UBE2G2: variants seen among roughly 807,000 people sequenced by gnomAD.
UBE2G2 encodes the protein ubiquitin conjugating enzyme E2 G2.
In UBE2G2, 10 loss-of-function variants were observed where a neutral mutation model predicts 23.0. That is an observed-to-expected ratio of 0.43 (90% CI 0.27 to 0.74). The LOEUF (loss-of-function observed/expected upper bound fraction) is 0.74. Among genes scored for constraint, UBE2G2 ranks in the 30% least tolerant of loss-of-function variants. The probability of loss-of-function intolerance (pLI) is 0.19; values close to 1 mark genes in which losing one functional copy is unlikely to be tolerated. For missense variants in UBE2G2, 150 were observed against 218.3 expected (o/e 0.69, Z 1.97); for synonymous variants, 86 against 81.3 (o/e 1.06, Z -0.31).
rs1221248326 is a variant in UBE2G2 at position 44,769,623 on chromosome 21, C to G, written c.*1754G>C. 1.3e-5 allele frequency: 2 copies of G among 152,238 alleles called. No homozygotes were observed. Among genetic ancestry groups the G allele is most frequent in the Non-Finnish European group, 2.9e-5 (2 of 68,090 alleles). The allele number at this position is 152,238 out of a possible 1,614,324, so 9.4% of individuals were successfully genotyped here. On this transcript the variant is annotated 3_prime_UTR_variant, in exon 6 of 6. Coordinates refer to ENST00000345496, the MANE Select transcript of UBE2G2 (RefSeq NM_003343.6). ...GCGATCTCCTGACCTCATGATCCGC[C>G]CGCCTCAGTCTCCCAAAGTGCTGGG...
In UBE2G2 at chr21:44,777,370, A is replaced by C. The variant is rs782328921; in HGVS notation, c.173T>G (p.Leu58Arg). Residue 58 changes from leucine to arginine, a missense_variant, in exon 4 of 6, where the codon CTG (leucine) becomes CGG (arginine). Leu to Arg is a moderately radical substitution (Grantham distance 102). Transcript: ENST00000345496. ...TAACGGGTAATCAAGTGGGAAACTC[A>C]GGATGGCAGGAAAAACACCAAACTC... ...CFEFGVFPAI[L>R]SFPLDYPLSP... 2.5e-6 allele frequency: 4 copies of C among 1,614,150 alleles called. No homozygotes were observed. Among genetic ancestry groups the C allele is most frequent in the Non-Finnish European group, 3.4e-6 (4 of 1,180,018 alleles).
At chr21:44,788,201 G>T (rs2083012068) in intron 1 of UBE2G2, 106 bp from the exon 2 acceptor site, 2 of 1,071,110 alleles carry the variant, frequency 1.9e-6, no homozygotes, top group Non-Finnish European at 2.6e-6. Flanking sequence ...CATAGAATAT[G>T]CATATTAACA....
chr21:44,775,070 G>A lies in UBE2G2; in HGVS notation c.245-1383C>T, dbSNP rs73370556. On this transcript the variant is annotated intron_variant, in intron 4 of 5. Transcript: ENST00000345496. ...AGCCGTCAGAGATCATTCTGGTCAT[G>A]CCACTCCCTTGGAGTCTTTCAATGG... 1.6e-3 allele frequency: 311 copies of A among 193,122 alleles called. 2 individuals carry two copies. Among genetic ancestry groups the A allele is most frequent in the African/African-American group, 7.0e-3 (296 of 42,086 alleles). 12.0% of individuals were successfully genotyped at this position (193,122 alleles called of 1,614,324 possible). A position where few individuals can be genotyped will look rare whatever the true frequency, so the allele number is the denominator to read the frequency against.
At chr21:44,783,919 C>G (rs1555961611) in intron 3 of UBE2G2, among the ~76,000 whole-genome samples, 1 of 152,186 alleles carries the variant, frequency 6.6e-6, no homozygotes. Context: ...CTTTGGGAGG[C>G]TGAGGCAGAA....
intron 1 of UBE2G2, among the ~76,000 whole-genome samples, chr21:44,798,970 G>A (rs1474246707): frequency 2.0e-5 from 3 of 152,202 alleles, no homozygotes; most frequent in Non-Finnish European, 4.4e-5. Context: ...ATGGGCTGCA[G>A]AATTGGTGTT....
At chr21:44,778,762 A>G (rs2082932592) in intron 3 of UBE2G2, among the ~76,000 whole-genome samples, 2 of 152,250 alleles carry the variant, frequency 1.3e-5, no homozygotes. Context: ...TAAATAGGTC[A>G]GTAAACCCGT....
At chr21:44,790,065 T>A (rs235369) in intron 1 of UBE2G2, among the ~76,000 whole-genome samples, 119,622 of 152,128 alleles carry the variant, frequency 0.79, 47,601 homozygotes, top group African/African-American at 0.92. Flanking sequence ...AACAGATGGC[T>A]AATAAGCACA....
chr21:44,781,603 G>C (rs1009507696), intron 3 of UBE2G2, among the ~76,000 whole-genome samples: 6 of 152,310 alleles, frequency 3.9e-5, no homozygotes, highest in Admixed American at 2.6e-4. Flanking sequence ...GTAAGAAGCC[G>C]TGATTTGGGG....
chr21:44,771,256 G>T lies in UBE2G2; in HGVS notation c.*121C>A. On this transcript the variant is annotated 3_prime_UTR_variant, in exon 6 of 6. Transcript: ENST00000345496. This position sits in a 1 kb window ranked among gnomAD's most constrained non-coding sequence, Gnocchi z 4.6. ...GAAAGGTTTGAAAAAAAAAAAAGAT[G>T]CCATGGTTCTTGCAAGTCTGCCTTG... 4.9e-6 allele frequency: 4 copies of T among 823,874 alleles called. No individual in the cohort carries two copies. Among genetic ancestry groups the T allele is most frequent in the Non-Finnish European group, 7.6e-6 (4 of 524,324 alleles). The allele number at this position is 823,874 out of a possible 1,614,324, so 51.0% of individuals were successfully genotyped here.
At chr21:44,801,607 G>T (rs536533360) in intron 1 of UBE2G2, 99 bp downstream of exon 1, 2 of 1,393,352 alleles carry the variant, frequency 1.4e-6, no homozygotes, top group Admixed American at 3.5e-5. Context: ...CCCCGGGCCC[G>T]GCTCCCCCGC....
chr21:44,773,336 T>C (rs1391056814), intron 5 of UBE2G2, among the ~76,000 whole-genome samples: 1 of 152,234 alleles, frequency 6.6e-6, no homozygotes, highest in Non-Finnish European at 1.5e-5. Flanking sequence ...CAGTTAATTA[T>C]GGCCGACAAT....
Position 44,771,335 on chromosome 21 carries a change from G to A in UBE2G2, c.*42C>T. The stretch of plus-strand genomic sequence containing the variant: ...ACTAAGTGTGCCGGGGGAGAATGCT[G>A]AGCTGCTTGGCGGTGTGTGCGCGCC... On this transcript the variant is annotated 3_prime_UTR_variant, in exon 6 of 6. Coordinates refer to ENST00000345496, the MANE Select transcript of UBE2G2 (RefSeq NM_003343.6). This position sits in a 1 kb window ranked among gnomAD's most constrained non-coding sequence, Gnocchi z 4.6. 6.3e-7 allele frequency: 1 copy of A among 1,577,262 alleles called. No individual in the cohort carries two copies. Among genetic ancestry groups the A allele is most frequent in the Non-Finnish European group, 8.7e-7 (1 of 1,150,594 alleles).
chr21:44,771,554 C>A lies in UBE2G2; in HGVS notation c.386-65G>T. On this transcript the variant is annotated intron_variant, in intron 5 of 5. Coordinates refer to ENST00000345496, the MANE Select transcript of UBE2G2 (RefSeq NM_003343.6). This position sits in a 1 kb window ranked among gnomAD's most constrained non-coding sequence, Gnocchi z 4.6. ...TTATACGTAAGCAGCCTGGCAAGGT[C>A]TCCCATTTATTTAAAACACTGGCGG... The A allele has an allele frequency of 6.6e-7, 1 of 1,526,516 alleles. No individual in the cohort carries two copies. Among genetic ancestry groups the A allele is most frequent in the Non-Finnish European group, 9.0e-7 (1 of 1,113,260 alleles). The allele number at this position is 1,526,516 out of a possible 1,614,324, so 94.6% of individuals were successfully genotyped here.
Position 44,771,331 on chromosome 21 carries a change from T to C in UBE2G2, c.*46A>G, listed in dbSNP as rs1330566920. ...TGTCACTAAGTGTGCCGGGGGAGAA[T>C]GCTGAGCTGCTTGGCGGTGTGTGCG... On this transcript the variant is annotated 3_prime_UTR_variant, in exon 6 of 6. Transcript: ENST00000345496. This position sits in a 1 kb window ranked among gnomAD's most constrained non-coding sequence, Gnocchi z 4.6. The C allele has an allele frequency of 6.4e-7, 1 of 1,566,928 alleles. No homozygotes were observed. The highest frequency in any genetic ancestry group is 1.4e-5 in the African/African-American group (1 of 74,030).
At chr21:44,786,231 A>G (rs1189262556) in intron 3 of UBE2G2, among the ~76,000 whole-genome samples, 2 of 152,168 alleles carry the variant, frequency 1.3e-5, no homozygotes, top group Non-Finnish European at 2.9e-5. Flanking sequence ...GTTACACATC[A>G]GTTCATGTAT....
In UBE2G2 at chr21:44,781,375, C is replaced by T. The variant is rs115494053; in HGVS notation, c.126-3958G>A. ...GTGCGTCTCCTTCCTTCAGTCCCTG[C>T]TCTGCAGTTCAGCAAAAGCTTCTTG... is the stretch of plus-strand genomic sequence containing the variant. On this transcript the variant is annotated intron_variant, in intron 3 of 5. Coordinates refer to ENST00000345496, the MANE Select transcript of UBE2G2 (RefSeq NM_003343.6). Among the ~76,000 whole-genome samples, 1,064 of 152,306 alleles carry T rather than the reference C, an allele frequency of 7.0e-3. 23 individuals carry two copies. Among genetic ancestry groups the T allele is most frequent in the African/African-American group, 0.024 (1,018 of 41,554 alleles).
chr21:44,782,336 A>G lies in UBE2G2; in HGVS notation c.126-4919T>C, dbSNP rs56802521. ...ATAAATGGAGAGACAGTCCATGTTC[A>G]TGGATTAGAGCACTCAGTACTGATA... On this transcript the variant is annotated intron_variant, in intron 3 of 5. Transcript: ENST00000345496. Among the ~76,000 whole-genome samples, 1,466 of 152,340 alleles carry G rather than the reference A, an allele frequency of 9.6e-3. 26 individuals are homozygous for G. The highest frequency in any genetic ancestry group is 0.033 in the African/African-American group (1,353 of 41,582).
At chr21:44,776,124 G>A (rs188177822) in intron 4 of UBE2G2, among the ~76,000 whole-genome samples, 4 of 152,174 alleles carry the variant, frequency 2.6e-5, no homozygotes, top group Middle Eastern at 6.8e-3. Flanking sequence ...GGCCGGGGGT[G>A]GGGGGGTAGT....
Position 44,770,971 on chromosome 21 carries a change from C to T in UBE2G2, c.*406G>A, listed in dbSNP as rs1555959770. 1 of 160,810 alleles carries T rather than the reference C, an allele frequency of 6.2e-6. No homozygotes were observed. The highest frequency in any genetic ancestry group is 1.4e-5 in the Non-Finnish European group (1 of 73,776). 10.0% of individuals were successfully genotyped at this position (160,810 alleles called of 1,614,324 possible). A position where few individuals can be genotyped will look rare whatever the true frequency, so the allele number is the denominator to read the frequency against. ...GGGCCCTTCCCCTGTGCTGCAGCTA[C>T]AGGGCCCCATTTCTTCAGAAGGAGC... is the stretch of plus-strand genomic sequence containing the variant. On this transcript the variant is annotated 3_prime_UTR_variant, in exon 6 of 6. Transcript: ENST00000345496.
Sources: gnomAD v4.1 joint callset for allele counts (sites outside exome capture counted in the v4.1 genomes callset) on GRCh38, gnomAD v4.1.1 for gene constraint, Gnocchi (gnomAD v3.1) non-coding constraint, MANE v1.5 for transcripts, NCBI Gene and HGNC (gene_info 2026-07-23, HGNC 2026-07-21) for gene names.